SNTG2: variants seen among roughly 807,000 people sequenced by gnomAD.
SNTG2 encodes the protein syntrophin gamma 2, also known as gamma-2-syntrophin.
SNTG2 carries 74 observed loss-of-function variants against 70.9 expected under a neutral mutation model. That is an observed-to-expected ratio of 1.04 (90% CI 0.86 to 1.27). The LOEUF is 1.27. SNTG2 is among the 50% of genes most tolerant of loss of function. The pLI is 0.00. For synonymous variants in SNTG2, 278 were observed against 273.8 expected, an observed-to-expected ratio of 1.02 and a Z score of -0.15; for missense variants, 717 against 690.7, an observed-to-expected ratio of 1.04 and a Z score of -0.43.
At chr2:1,095,866 C>T (rs1399478492) in intron 2 of SNTG2, among the ~76,000 whole-genome samples, 2 of 152,216 alleles carry the variant, frequency 1.3e-5, no homozygotes, top group Non-Finnish European at 2.9e-5. Context: ...TCAATTTTCT[C>T]ATCCTCCATA....
At chr2:1,357,263 T>C (rs893463505) in intron 16 of SNTG2, among the ~76,000 whole-genome samples, 1 of 152,106 alleles carries the variant, frequency 6.6e-6, no homozygotes, top group African/African-American at 2.4e-5. Context: ...CACCATAGAG[T>C]ATGATGTTAG....
intron 14 of SNTG2, among the ~76,000 whole-genome samples, chr2:1,307,737 A>G (rs1680765888): frequency 1.3e-5 from 2 of 152,216 alleles, no homozygotes; most frequent in South Asian, 4.1e-4. Context: ...AAACATTTAA[A>G]GCACAAATCT....
Position 1,145,007 on chromosome 2 carries a change from CTT to C in SNTG2, c.411+7199_411+7200del, listed in dbSNP as rs768330294. On this transcript the variant is annotated intron_variant, in intron 6 of 16. Coordinates refer to ENST00000308624, the MANE Select transcript of SNTG2 (RefSeq NM_018968.4). ...TCAAAGAAGAAATCTCAATAGAAAT[CTT>C]AAAAATATTTTCAACTAAAAATAAT... Among the ~76,000 whole-genome samples, 8 of 152,224 alleles carry C rather than the reference CTT, an allele frequency of 5.3e-5. No homozygotes were observed. In the East Asian group the frequency reaches 5.8e-4, roughly 11 times the overall value.
intron 1 of SNTG2, among the ~76,000 whole-genome samples, chr2:1,007,217 T>A (rs1659599595): frequency 6.6e-6 from 1 of 152,092 alleles, no homozygotes; most frequent in African/African-American, 2.4e-5. Context: ...TGCATGACTC[T>A]CACACACACC....
chr2:1,070,507 T>G (rs1337063071), intron 1 of SNTG2, among the ~76,000 whole-genome samples: 1 of 152,214 alleles, frequency 6.6e-6, no homozygotes, highest in Non-Finnish European at 1.5e-5. Context: ...CATATTATTT[T>G]TAATGTTAAT....
intron 1 of SNTG2, among the ~76,000 whole-genome samples, chr2:1,063,735 T>G (rs1225697155): frequency 6.6e-6 from 1 of 152,208 alleles, no homozygotes; most frequent in African/African-American, 2.4e-5. Flanking sequence ...ATCAATCACA[T>G]AATTCAACAG....
chr2:1,111,028 C>T (rs893714255), intron 4 of SNTG2, among the ~76,000 whole-genome samples: 3 of 152,194 alleles, frequency 2.0e-5, no homozygotes, highest in Non-Finnish European at 2.9e-5. Context: ...CCAAAATCTG[C>T]TTTTTGTCTC....
intron 12 of SNTG2, 44 bp downstream of exon 12, chr2:1,247,487 G>C (rs1283609726): frequency 3.7e-6 from 5 of 1,364,418 alleles, no homozygotes; most frequent in Non-Finnish European, 5.2e-6. Flanking sequence ...CTGCTGGGAG[G>C]GCTATTCCTG....
chr2:1,283,559 CTG>C (rs1298095889), intron 14 of SNTG2, among the ~76,000 whole-genome samples: 6 of 152,178 alleles, frequency 3.9e-5, no homozygotes, highest in Non-Finnish European at 2.9e-5. Flanking sequence ...TGAGGACCGA[CTG>C]TGTCCAGGAC....
chr2:1,257,540 C>A (rs1394476455), intron 12 of SNTG2, among the ~76,000 whole-genome samples: 1 of 152,212 alleles, frequency 6.6e-6, no homozygotes, highest in Non-Finnish European at 1.5e-5. Flanking sequence ...GAGACTAGAC[C>A]TGCTTCTGCG....
intron 14 of SNTG2, among the ~76,000 whole-genome samples, chr2:1,307,206 ATGTCTG>A (rs1385382902): frequency 3.1e-5 from 3 of 97,884 alleles, no homozygotes. Context: ...GTGTGTCTGT[ATGTCTG>A]TGTCTGTATG....
At chr2:1,290,469 C>A (rs1038475618) in intron 14 of SNTG2, among the ~76,000 whole-genome samples, 54 of 152,098 alleles carry the variant, frequency 3.6e-4, no homozygotes, top group African/African-American at 1.3e-3. Flanking sequence ...CATGCACCAC[C>A]ACACCCAGCT....
At chr2:969,569 A>G (rs1208207948) in intron 1 of SNTG2, among the ~76,000 whole-genome samples, 3 of 152,114 alleles carry the variant, frequency 2.0e-5, no homozygotes, top group Non-Finnish European at 4.4e-5. Context: ...TATTATAGAG[A>G]TATTTCACCT....
intron 4 of SNTG2, among the ~76,000 whole-genome samples, chr2:1,109,649 A>G (rs1666310652): frequency 6.6e-6 from 1 of 152,200 alleles, no homozygotes; most frequent in Non-Finnish European, 1.5e-5. Context: ...AGTTCTTCCT[A>G]CTATAGCATA....
intron 7 of SNTG2, among the ~76,000 whole-genome samples, chr2:1,172,109 T>A (rs1323694836): frequency 6.6e-6 from 1 of 152,182 alleles, no homozygotes; most frequent in Non-Finnish European, 1.5e-5. Flanking sequence ...AGTTCAAGCC[T>A]CCATTCTGCA....
rs188130846 is a variant in SNTG2, at chr2:1,227,469, G to A, written c.720-10419G>A. On this transcript the variant is annotated intron_variant, in intron 9 of 16. Coordinates refer to ENST00000308624, the MANE Select transcript of SNTG2 (RefSeq NM_018968.4). ...CTCCGGAAGTGGAGGAGCCGCCCAT[G>A]TGACTCTAATCAACAGCATTGTTGG... 4.2e-3 allele frequency among the ~76,000 whole-genome samples: 646 copies of A among 152,364 alleles called. 3 individuals carry two copies. The highest frequency in any genetic ancestry group is 7.1e-3 in the Non-Finnish European group (484 of 68,038).
intron 7 of SNTG2, among the ~76,000 whole-genome samples, chr2:1,166,652 C>T (rs1240187560): frequency 6.6e-6 from 1 of 152,198 alleles, no homozygotes; most frequent in African/African-American, 2.4e-5. Flanking sequence ...GCGAGGGCTG[C>T]ACCCCCAGGC....
At chr2:1,151,152 T>C (rs546070396) in intron 6 of SNTG2, among the ~76,000 whole-genome samples, 1 of 92,342 alleles carries the variant, frequency 1.1e-5, no homozygotes, top group Admixed American at 1.1e-4. Flanking sequence ...AAGCCTTAAC[T>C]GCACAGTTAC....
At chr2:1,301,806 G>A (rs1344080313) in intron 14 of SNTG2, among the ~76,000 whole-genome samples, 1 of 152,048 alleles carries the variant, frequency 6.6e-6, no homozygotes, top group Non-Finnish European at 1.5e-5. Context: ...AGAGAGTTTA[G>A]TATCAGCAGA....
Sources: allele counts gnomAD v4.1 joint callset (sites outside exome capture counted in the v4.1 genomes callset), GRCh38; gene constraint gnomAD v4.1.1; transcripts MANE v1.5; gene names NCBI Gene and HGNC (gene_info 2026-07-23, HGNC 2026-07-21).